KLHL20: variants seen among roughly 807,000 people sequenced by gnomAD.
KLHL20 encodes kelch like family member 20.
KLHL20 carries 29 observed loss-of-function variants against 69.5 expected under a neutral mutation model. The observed-to-expected ratio is 0.42, with a 90% CI of 0.31 to 0.57. The LOEUF is 0.57. Among genes scored for constraint, KLHL20 ranks in the 20% least tolerant of loss-of-function variants. The probability of loss-of-function intolerance (pLI) is 0.18; values close to 1 mark genes in which losing one functional copy is unlikely to be tolerated. For missense variants in KLHL20, 419 were observed against 776.0 expected, an observed-to-expected ratio of 0.54 and a Z score of 5.47; for synonymous variants, 253 against 265.2, an observed-to-expected ratio of 0.95 and a Z score of 0.45.
chr1:173,752,386 A>T (rs749626824), intron 4 of KLHL20, among the ~76,000 whole-genome samples: 11 of 152,356 alleles, frequency 7.2e-5, no homozygotes, highest in Middle Eastern at 6.8e-3. Context: ...TTGGTTGCTT[A>T]TTAATGTGGG....
chr1:173,758,605 C>T (rs1436921829), intron 7 of KLHL20, among the ~76,000 whole-genome samples: 1 of 152,226 alleles, frequency 6.6e-6, no homozygotes, highest in African/African-American at 2.4e-5. Context: ...CACACACCCC[C>T]ACTGGAGAAG....
chr1:173,779,860 C>A (rs1209250581), intron 10 of KLHL20, among the ~76,000 whole-genome samples: 1 of 152,174 alleles, frequency 6.6e-6, no homozygotes, highest in African/African-American at 2.4e-5. Flanking sequence ...TCTATCCTAT[C>A]TATAGTATAG....
At chr1:173,751,997 G>A in intron 4 of KLHL20, 75 bp downstream of exon 4, 1 of 1,406,662 alleles carries the variant, frequency 7.1e-7, no homozygotes, top group African/African-American at 1.4e-5. Flanking sequence ...CAGCACTTTG[G>A]GAGGCCAAGG....
At chr1:173,751,357 A>G (rs1345232506) in intron 3 of KLHL20, among the ~76,000 whole-genome samples, 2 of 152,076 alleles carry the variant, frequency 1.3e-5, no homozygotes, top group Admixed American at 1.3e-4. Context: ...TGACACTCTT[A>G]TTCTTTTTTG....
rs1313084259 is a variant in KLHL20 at position 173,734,181 on chromosome 1, A to G, written c.492A>G (p.Gln164=). The change falls in exon 3 of 12, where the codon CAA becomes CAG. Residue 164 remains glutamine, a synonymous_variant. Transcript: ENST00000209884. ...QEACCEFLKR[Q]LDPSNCLGIR... ...CCTGCTGTGAATTCTTAAAGAGACA[A>G]TTAGATCCTTCTAACTGCCTGGGCA... 11 of 1,614,074 alleles carry G rather than the reference A, an allele frequency of 6.8e-6. No individual in the cohort carries two copies. Among genetic ancestry groups the G allele is most frequent in the East Asian group, 2.2e-5 (1 of 44,896 alleles).
intron 8 of KLHL20, among the ~76,000 whole-genome samples, chr1:173,767,896 T>C (rs866108797): frequency 6.6e-6 from 1 of 152,324 alleles, no homozygotes; most frequent in African/African-American, 2.4e-5. Context: ...TTTGATGTAA[T>C]CTTACTTTTT....
intron 2 of KLHL20, among the ~76,000 whole-genome samples, chr1:173,725,803 A>G (rs1050390970): frequency 2.0e-5 from 3 of 152,216 alleles, no homozygotes; most frequent in African/African-American, 7.2e-5. Context: ...GCTCCAGTCT[A>G]CAGCTTCCAG....
In KLHL20 at chr1:173,782,225, A is replaced by C. The variant is rs780209237; in HGVS notation, c.1740A>C (p.Thr580=). ...TIEVFDPDAN[T]WRLYGGMNYR... is the part of the protein sequence containing the mutation. ...AAGTTTTTGATCCTGATGCCAATAC[A>C]TGGAGGTAACTTTTAAGCTGTGTAG... Residue 580 remains threonine, a synonymous_variant, in exon 11 of 12, where the codon ACA becomes ACC. Transcript: ENST00000209884. The C allele has an allele frequency of 6.2e-7, 1 of 1,611,868 alleles. No homozygotes were observed. The highest frequency in any genetic ancestry group is 2.2e-5 in the East Asian group (1 of 44,848).
chr1:173,774,029 A>T (rs948535442), intron 8 of KLHL20, among the ~76,000 whole-genome samples: 1 of 151,336 alleles, frequency 6.6e-6, no homozygotes, highest in African/African-American at 2.4e-5. Context: ...AAAAAAAAAA[A>T]AAGAGAAAGA....
At chr1:173,768,291 TTCTG>T (rs1175337548) in intron 8 of KLHL20, among the ~76,000 whole-genome samples, 1 of 152,208 alleles carries the variant, frequency 6.6e-6, no homozygotes, top group African/African-American at 2.4e-5. Flanking sequence ...TCTTAATTTC[TTCTG>T]TCAGCTTTTC....
chr1:173,726,260 T>A (rs1671954067), intron 2 of KLHL20, among the ~76,000 whole-genome samples: 1 of 151,670 alleles, frequency 6.6e-6, no homozygotes, highest in African/African-American at 2.4e-5. Flanking sequence ...AGCTCGAACG[T>A]GGTGGAGCCC....
chr1:173,780,992 T>TGA (rs752898073), intron 10 of KLHL20, among the ~76,000 whole-genome samples: 1 of 119,370 alleles, frequency 8.4e-6, no homozygotes, highest in Admixed American at 1.2e-4. Context: ...ACCCTGTGAG[T>TGA]GAGAGAGAGA....
At chr1:173,759,064 C>T (rs1673680815) in intron 7 of KLHL20, among the ~76,000 whole-genome samples, 1 of 152,112 alleles carries the variant, frequency 6.6e-6, no homozygotes, top group African/African-American at 2.4e-5. Flanking sequence ...GTGAGACCAG[C>T]CCTTCAGTTT....
chr1:173,758,186 G>A (rs569176360), intron 7 of KLHL20, among the ~76,000 whole-genome samples: 2 of 152,136 alleles, frequency 1.3e-5, no homozygotes, highest in South Asian at 2.1e-4. Flanking sequence ...CAGGAGGCCC[G>A]CTTGAGCCTG....
chr1:173,746,482 G>T (rs1673064755), intron 3 of KLHL20, among the ~76,000 whole-genome samples: 1 of 151,942 alleles, frequency 6.6e-6, no homozygotes, highest in African/African-American at 2.4e-5. Flanking sequence ...ATCAATTTGG[G>T]TAAACTGTAT....
chr1:173,746,032 A>C (rs1289371167), intron 3 of KLHL20, among the ~76,000 whole-genome samples: 1 of 152,014 alleles, frequency 6.6e-6, no homozygotes, highest in Non-Finnish European at 1.5e-5. Context: ...AGCAGTGTTG[A>C]ATTTTGTCAA....
chr1:173,719,311 G>A (rs1225097958), intron 2 of KLHL20, among the ~76,000 whole-genome samples: 1 of 151,516 alleles, frequency 6.6e-6, no homozygotes, highest in Non-Finnish European at 1.5e-5. Context: ...GCCCAGATGT[G>A]TAAGTATAGA....
Position 173,756,957 on chromosome 1 carries a change from A to G in KLHL20, c.968-19A>G. The G allele has an allele frequency of 6.2e-7, 1 of 1,610,510 alleles. No individual in the cohort carries two copies. Among genetic ancestry groups the G allele is most frequent in the Admixed American group, 1.7e-5 (1 of 59,846 alleles). On this transcript the variant is annotated intron_variant, in intron 6 of 11. Coordinates refer to ENST00000209884, the MANE Select transcript of KLHL20 (RefSeq NM_014458.4). ...GCTTCAGGATAGGATTCTCTTGACC[A>G]TTTCTGTTACTTCCCCAGTTGGTGG...
chr1:173,738,910 G>A lies in KLHL20; in HGVS notation c.597+4624G>A, dbSNP rs568341835. Among the ~76,000 whole-genome samples, 109 of 152,140 alleles carry A rather than the reference G, an allele frequency of 7.2e-4. No homozygotes were observed. The South Asian group carries it at 7.5e-3, about 10-fold the overall frequency. ...TTCAGTTAGCTATTATTTTGTGGAGGATTTTTGCATCTATGTTCATCAGGG... is the reference window on the plus strand; with the variant it reads ...TTCAGTTAGCTATTATTTTGTGGAGAATTTTTGCATCTATGTTCATCAGGG... On this transcript the variant is annotated intron_variant, in intron 3 of 11. Coordinates refer to ENST00000209884, the MANE Select transcript of KLHL20 (RefSeq NM_014458.4).
Sources: gnomAD v4.1 joint callset for allele counts (sites outside exome capture counted in the v4.1 genomes callset) on GRCh38, gnomAD v4.1.1 for gene constraint, MANE v1.5 for transcripts, NCBI Gene and HGNC (gene_info 2026-07-23, HGNC 2026-07-21) for gene names.